FAM162A: variants seen among roughly 807,000 people sequenced by gnomAD.
FAM162A encodes protein FAM162A.
FAM162A carries 23 observed loss-of-function variants against 21.8 expected under a neutral mutation model. The observed-to-expected ratio is 1.05, with a 90% CI of 0.76 to 1.49. FAM162A has a LOEUF of 1.49. FAM162A is among the 40% of genes most tolerant of loss of function. The pLI is 0.00. For missense variants in FAM162A, 165 were observed against 186.4 expected (o/e 0.89, Z 0.67); for synonymous variants, 53 against 61.3 (o/e 0.86, Z 0.64).
At chr3:122,385,406 T>C (rs966386053) in intron 1 of FAM162A, among the ~76,000 whole-genome samples, 4 of 152,218 alleles carry the variant, frequency 2.6e-5, no homozygotes, top group African/African-American at 9.6e-5. Context: ...TTTGTCAGTT[T>C]TGTTGAACTA....
Position 122,389,429 on chromosome 3 carries a change from AGATAGATG to A in FAM162A, c.34+5131_34+5138del, listed in dbSNP as rs1340107200. Among the ~76,000 whole-genome samples, 185 of 135,448 alleles carry A rather than the reference AGATAGATG, an allele frequency of 1.4e-3. 1 individual carries two copies. The highest frequency in any genetic ancestry group is 4.6e-3 in the African/African-American group (169 of 36,878). The allele number at this position is 135,448 out of a possible 152,430, so 88.9% of individuals were successfully genotyped here. On this transcript the variant is annotated intron_variant, in intron 1 of 4. Coordinates refer to ENST00000477892, the MANE Select transcript of FAM162A (RefSeq NM_014367.4). Reference sequence around the variant, plus strand: ...TAGATAGATAGATAGATAGATAGATAGATAGATGAGATAGATAGATGGAAACTTAAAGG... The same window carrying A: ...TAGATAGATAGATAGATAGATAGATAAGATAGATAGATGGAAACTTAAAGG...
At chr3:122,395,743 C>G (rs1342390683) in intron 1 of FAM162A, among the ~76,000 whole-genome samples, 1 of 152,050 alleles carries the variant, frequency 6.6e-6, no homozygotes, top group East Asian at 1.9e-4. Flanking sequence ...GCAAACTAAT[C>G]TTTAAAAAGA....
intron 1 of FAM162A, among the ~76,000 whole-genome samples, chr3:122,391,016 A>T (rs2075602006): frequency 6.6e-6 from 1 of 152,096 alleles, no homozygotes; most frequent in Non-Finnish European, 1.5e-5. Context: ...AGGATGGAAA[A>T]TTTCTGGCTT....
At chr3:122,397,011 G>A (rs796422850) in intron 1 of FAM162A, among the ~76,000 whole-genome samples, 1 of 152,256 alleles carries the variant, frequency 6.6e-6, no homozygotes, top group Non-Finnish European at 1.5e-5. Context: ...GGTGATGAAT[G>A]TCTTCTGGAA....
rs2075707863 is a variant in FAM162A, at chr3:122,411,991, A to G, written c.*2160A>G. On this transcript the variant is annotated 3_prime_UTR_variant, in exon 5 of 5. Coordinates refer to ENST00000477892, the MANE Select transcript of FAM162A (RefSeq NM_014367.4). ...GTGACTATCTCTTTATGGGTTAAAT[A>G]TCAGTTTCTTGGCCAGAATTCAAGA... 4 of 152,210 alleles carry G rather than the reference A, an allele frequency of 2.6e-5. No individual in the cohort carries two copies. Among genetic ancestry groups the G allele is most frequent in the African/African-American group, 7.2e-5 (3 of 41,456 alleles). 9.4% of individuals were successfully genotyped at this position (152,210 alleles called of 1,614,324 possible).
At position 122,409,701 on chromosome 3, in the gene FAM162A, A is replaced by G. The variant is rs1461041762; in HGVS notation, c.373-38A>G. On this transcript the variant is annotated intron_variant, in intron 4 of 4. Coordinates refer to ENST00000477892, the MANE Select transcript of FAM162A (RefSeq NM_014367.4). ...AAGGTAAAGACACCCTCCCCTGACCAGCATACAAATCACCTGTTCAAATCT... is the reference window on the plus strand; with the variant it reads ...AAGGTAAAGACACCCTCCCCTGACCGGCATACAAATCACCTGTTCAAATCT... 4 of 1,584,912 alleles carry G rather than the reference A, an allele frequency of 2.5e-6. No individual in the cohort carries two copies. In the African/African-American group the frequency reaches 5.4e-5, roughly 21 times the overall value.
rs762396070 is a variant in FAM162A at position 122,410,194 on chromosome 3, A to G, written c.*363A>G. 38 of 345,208 alleles carry G rather than the reference A, an allele frequency of 1.1e-4. No individual in the cohort carries two copies. Among genetic ancestry groups the G allele is most frequent in the Admixed American group, 8.2e-5 (2 of 24,260 alleles). The allele number at this position is 345,208 out of a possible 1,614,324, so 21.4% of individuals were successfully genotyped here. A position where few individuals can be genotyped will look rare whatever the true frequency, so the allele number is the denominator to read the frequency against. On this transcript the variant is annotated 3_prime_UTR_variant, in exon 5 of 5. Coordinates refer to ENST00000477892, the MANE Select transcript of FAM162A (RefSeq NM_014367.4). Reference sequence around the variant, plus strand: ...AGGAGATAAGGAAGGCCAGTTGAGTATATGGCCCAGGTGCAGCTTGGAGGG... The same window carrying G: ...AGGAGATAAGGAAGGCCAGTTGAGTGTATGGCCCAGGTGCAGCTTGGAGGG...
chr3:122,403,418 A>G lies in FAM162A; in HGVS notation c.157+536A>G, dbSNP rs555971190. Among the ~76,000 whole-genome samples, 55 of 152,324 alleles carry G rather than the reference A, an allele frequency of 3.6e-4. 1 individual carries two copies. The highest frequency in any genetic ancestry group is 3.3e-4 in the Admixed American group (5 of 15,304). On this transcript the variant is annotated intron_variant, in intron 2 of 4. Coordinates refer to ENST00000477892, the MANE Select transcript of FAM162A (RefSeq NM_014367.4). ...CACCAAAGTAAATAGTAGTCCAGAA[A>G]TTATGTTTTAAAGAACTCTAAAGAT...
intron 1 of FAM162A, among the ~76,000 whole-genome samples, chr3:122,389,494 AT>A (rs76376329): frequency 0.35 from 52,567 of 151,786 alleles, 10,218 homozygotes; most frequent in East Asian, 0.56. Flanking sequence ...CACTTCCAGG[AT>A]TTTATTCTAA....
At chr3:122,388,719 G>A (rs2075585684) in intron 1 of FAM162A, among the ~76,000 whole-genome samples, 1 of 152,068 alleles carries the variant, frequency 6.6e-6, no homozygotes, top group Admixed American at 6.6e-5. Context: ...AAAATGGGAA[G>A]AGTAGAGTCA....
chr3:122,398,378 CTT>C (rs2075638922), intron 1 of FAM162A, among the ~76,000 whole-genome samples: 1 of 152,088 alleles, frequency 6.6e-6, no homozygotes, highest in South Asian at 2.1e-4. Context: ...ACTGAACAAT[CTT>C]AATATGAAAA....
chr3:122,407,165 CTATTTA>C, intron 3 of FAM162A, 110 bp from the exon 4 acceptor site: 1 of 752,936 alleles, frequency 1.3e-6, no homozygotes, highest in East Asian at 2.7e-5. Flanking sequence ...CTAGGTCTCC[CTATTTA>C]TATTTATAGA....
At chr3:122,409,536 C>G (rs1414109133) in intron 4 of FAM162A, among the ~76,000 whole-genome samples, 1 of 152,060 alleles carries the variant, frequency 6.6e-6, no homozygotes, top group Non-Finnish European at 1.5e-5. Context: ...GCACTTCTTA[C>G]TTATGCTTGA....
At chr3:122,396,322 T>TA (rs1028323816) in intron 1 of FAM162A, among the ~76,000 whole-genome samples, 9 of 150,516 alleles carry the variant, frequency 6.0e-5, no homozygotes, top group East Asian at 3.9e-4. Context: ...TAACCCTACT[T>TA]AAAAAAAAAT....
chr3:122,391,015 A>C (rs2075601991), intron 1 of FAM162A, among the ~76,000 whole-genome samples: 1 of 152,150 alleles, frequency 6.6e-6, no homozygotes, highest in Admixed American at 6.5e-5. Flanking sequence ...GAGGATGGAA[A>C]ATTTCTGGCT....
chr3:122,409,572 C>T (rs2075693638), intron 4 of FAM162A, among the ~76,000 whole-genome samples, 167 bp from the exon 5 acceptor site: 1 of 152,116 alleles, frequency 6.6e-6, no homozygotes, highest in Non-Finnish European at 1.5e-5. Flanking sequence ...TTCTTGGAAG[C>T]GTACGAGGAA....
At chr3:122,385,805 C>T (rs929264754) in intron 1 of FAM162A, among the ~76,000 whole-genome samples, 3 of 152,206 alleles carry the variant, frequency 2.0e-5, no homozygotes, top group African/African-American at 7.2e-5. Context: ...TGATCTTCCA[C>T]GAATGTCTGA....
At chr3:122,396,360 C>T (rs184382014) in intron 1 of FAM162A, among the ~76,000 whole-genome samples, 2 of 152,168 alleles carry the variant, frequency 1.3e-5, no homozygotes, top group African/African-American at 4.8e-5. Context: ...AGATGTTTCT[C>T]CAGAGAAGAT....
rs142599357 is a variant in FAM162A at position 122,387,256 on chromosome 3, G to A, written c.34+2957G>A. On this transcript the variant is annotated intron_variant, in intron 1 of 4. Coordinates refer to ENST00000477892, the MANE Select transcript of FAM162A (RefSeq NM_014367.4). ...GATTATTAGTTCAAAGGAATGGAAT[G>A]ACCTTACAAGAATGTTTCTTATTGA... Among the ~76,000 whole-genome samples the A allele has an allele frequency of 5.3e-5, 8 of 152,338 alleles. No homozygotes were observed. The East Asian group carries it at 1.5e-3, about 29-fold the overall frequency.
Sources: allele counts gnomAD v4.1 joint callset (sites outside exome capture counted in the v4.1 genomes callset), GRCh38; gene constraint gnomAD v4.1.1; transcripts MANE v1.5; gene names NCBI Gene and HGNC (gene_info 2026-07-23, HGNC 2026-07-21).